Variants in SANBR observed in about 807,000 individuals in gnomAD.
SANBR encodes SANT and BTB domain regulator of CSR.
SANBR carries 77 observed loss-of-function variants against 101.8 expected under a neutral mutation model. That is an observed-to-expected ratio of 0.76 (90% CI 0.63 to 0.91). SANBR has a LOEUF of 0.91. Ranked by LOEUF, SANBR falls within the 40% of genes least tolerant of loss-of-function variation. The pLI, the probability that SANBR is intolerant of heterozygous loss-of-function variation, is 0.00. For missense variants in SANBR, 875 were observed against 853.0 expected (o/e 1.03, Z -0.32); for synonymous variants, 279 against 274.7 (o/e 1.02, Z -0.15).
rs1684123088 is a variant in SANBR, at chr2:61,117,366, A to G, written c.1846A>G (p.Arg616Gly). The G allele has an allele frequency of 6.2e-7, 1 of 1,613,754 alleles. No individual in the cohort carries two copies. The part of the protein sequence containing the change: ...KEKALEKSAS[R>G]DVSPFVMSMQ... ...GTCTACTTTTTTTTAGTCAGCTTCT[A>G]GAGATGTGTCTCCTTTCGTGTGAGT... The change falls in exon 18 of 22, where the codon AGA (arginine) becomes GGA (glycine). Residue 616 changes from arginine (R) to glycine (G), a missense_variant. Physicochemically the swap from Arg to Gly is moderately radical, Grantham distance 125 (BLOSUM62 -2). Coordinates refer to ENST00000402291, the MANE Select transcript of SANBR (RefSeq NM_001129993.3).
At position 61,078,867 on chromosome 2, in the gene SANBR, C is replaced by G. The variant is rs188515379; in HGVS notation, c.670+1709C>G. Among the ~76,000 whole-genome samples the G allele has an allele frequency of 2.7e-3, 405 of 151,686 alleles. 2 individuals are homozygous for G. Among genetic ancestry groups the G allele is most frequent in the African/African-American group, 8.3e-3 (342 of 41,406 alleles). On this transcript the variant is annotated intron_variant, in intron 6 of 21. Transcript: ENST00000402291. The stretch of plus-strand genomic sequence containing the variant: ...CAGCCTGGCCAACATGGCAAAACCC[C>G]GTCTCTACTGAAAATACAAAAATTA...
rs766436252 is a variant in SANBR, at chr2:61,116,073, A to G, written c.1836+3A>G. The G allele has an allele frequency of 1.9e-6, 3 of 1,579,986 alleles. No individual in the cohort carries two copies. Among genetic ancestry groups the G allele is most frequent in the East Asian group, 2.2e-5 (1 of 44,626 alleles). ...GGAAAGAAAAGGCATTGGAGAAGGT[A>G]ACTCTGAATTATCTGTTGTTAAAGT... On this transcript the variant is annotated splice_donor_region_variant and intron_variant, in intron 17 of 21. Coordinates refer to ENST00000402291, the MANE Select transcript of SANBR (RefSeq NM_001129993.3).
At chr2:61,098,862 C>CT (rs1683159532) in intron 12 of SANBR, among the ~76,000 whole-genome samples, 1 of 152,118 alleles carries the variant, frequency 6.6e-6, no homozygotes, top group African/African-American at 2.4e-5. Flanking sequence ...GAACTTACAG[C>CT]TGAGGCAGTA....
chr2:61,103,792 G>A, intron 12 of SANBR, 61 bp from the exon 13 acceptor site: 1 of 1,462,606 alleles, frequency 6.8e-7, no homozygotes, highest in East Asian at 2.3e-5. Context: ...GAAAAACAGT[G>A]ATCTTTAAAG....
chr2:61,084,334 C>T (rs1017102953), intron 8 of SANBR, among the ~76,000 whole-genome samples: 1 of 151,940 alleles, frequency 6.6e-6, no homozygotes, highest in African/African-American at 2.4e-5. Flanking sequence ...AAAATTTATC[C>T]AGAGCCAATG....
Position 61,106,578 on chromosome 2 carries a change from C to T in SANBR, c.1527C>T (p.Gly509=). 6.3e-7 allele frequency: 1 copy of T among 1,597,818 alleles called. No individual in the cohort carries two copies. Among genetic ancestry groups the T allele is most frequent in the Non-Finnish European group, 8.5e-7 (1 of 1,174,692 alleles). The change falls in exon 14 of 22, where the codon GGC becomes GGT. Residue 509 remains glycine, a synonymous_variant. Transcript: ENST00000402291. ...TTCTTTCAAGTGATGTTGGGGTTGGCCTCTGTGATGAAAAGGGTATAGAAT... is the reference window on the plus strand; with the variant it reads ...TTCTTTCAAGTGATGTTGGGGTTGGTCTCTGTGATGAAAAGGGTATAGAAT... The part of the protein sequence containing the change: ...SKDTVSDVGV[G]LCDEKGIECD...
intron 1 of SANBR, 200 bp downstream of exon 1, chr2:61,066,227 C>T (rs1387187599): frequency 6.5e-6 from 1 of 152,772 alleles, no homozygotes; most frequent in East Asian, 1.9e-4. Context: ...CGCGTCCCGT[C>T]ACCCGCCCGG....
At chr2:61,084,129 T>C (rs1417697886) in intron 8 of SANBR, among the ~76,000 whole-genome samples, 1 of 152,088 alleles carries the variant, frequency 6.6e-6, no homozygotes, top group Non-Finnish European at 1.5e-5. Flanking sequence ...GATTTTTGTA[T>C]TTTTTGTAGA....
chr2:61,068,675 C>T (rs922640944), intron 1 of SANBR, among the ~76,000 whole-genome samples, 174 bp from the exon 2 acceptor site: 2 of 152,176 alleles, frequency 1.3e-5, no homozygotes, highest in Non-Finnish European at 2.9e-5. Context: ...TGGAATGTTA[C>T]TGTCTCTCCT....
intron 10 of SANBR, chr2:61,089,656 CAA>C (rs1371497714): frequency 2.0e-5 from 3 of 152,176 alleles, no homozygotes; most frequent in Non-Finnish European, 4.4e-5. Context: ...GCCTAGACAA[CAA>C]GAGTGAAACT....
At chr2:61,083,507 C>G (rs1239258343) in intron 8 of SANBR, among the ~76,000 whole-genome samples, 193 bp downstream of exon 8, 2 of 151,418 alleles carry the variant, frequency 1.3e-5, no homozygotes, top group Non-Finnish European at 2.9e-5. Context: ...GGTGATCCTC[C>G]CACCTCAGCC....
intron 5 of SANBR, among the ~76,000 whole-genome samples, chr2:61,074,633 G>A (rs1681662505): frequency 6.6e-6 from 1 of 152,038 alleles, no homozygotes; most frequent in Admixed American, 6.6e-5. Flanking sequence ...TGAACTCCTG[G>A]CCTCAAGTGA....
At chr2:61,070,727 A>G (rs146043373) in intron 3 of SANBR, among the ~76,000 whole-genome samples, 1 of 147,132 alleles carries the variant, frequency 6.8e-6, no homozygotes, top group African/African-American at 2.5e-5. Flanking sequence ...ATATTTATAT[A>G]TAATATTTTA....
At chr2:61,124,640 A>G (rs1684460268), downstream of SANBR, among the ~76,000 whole-genome samples, 1 of 151,848 alleles carries the variant, frequency 6.6e-6, no homozygotes, top group Non-Finnish European at 1.5e-5. Context: ...TGAGAGTGCA[A>G]GGCTTCAGTG....
chr2:61,073,111 G>C (rs954798879), intron 4 of SANBR, among the ~76,000 whole-genome samples: 2 of 152,010 alleles, frequency 1.3e-5, no homozygotes, highest in Admixed American at 1.3e-4. Flanking sequence ...TGAGTGTAGC[G>C]AGTTATTTTA....
chr2:61,117,957 GTC>G, intron 19 of SANBR, 69 bp from the exon 20 acceptor site: 1 of 1,131,064 alleles, frequency 8.8e-7, no homozygotes, highest in Non-Finnish European at 1.3e-6. Context: ...GGTGATTACA[GTC>G]TTTTTGAGAA....
rs1682122532 is a variant in SANBR at position 61,081,460 on chromosome 2, A to G, written c.679A>G (p.Asn227Asp). 1 of 1,570,036 alleles carries G rather than the reference A, an allele frequency of 6.4e-7. No homozygotes were observed. Among genetic ancestry groups the G allele is most frequent in the Admixed American group, 1.9e-5 (1 of 53,128 alleles). The change falls in exon 7 of 22, where the codon AAT (asparagine) becomes GAT (aspartate). Residue 227 changes from asparagine to aspartate, a missense_variant. Transcript: ENST00000402291. ...DCEMPTLEPGNVISILISSEF... is the reference protein window; with the variant it reads ...DCEMPTLEPGDVISILISSEF... ...TTTTTTTTTTTTTTTAGAGCCAGGAAATGTCATTTCAATTCTTATTTCTTC... is the reference window on the plus strand; with the variant it reads ...TTTTTTTTTTTTTTTAGAGCCAGGAGATGTCATTTCAATTCTTATTTCTTC...
At chr2:61,133,909 T>C (rs1400438039) in intron 20 of SANBR, among the ~76,000 whole-genome samples, 2 of 152,280 alleles carry the variant, frequency 1.3e-5, no homozygotes, top group East Asian at 3.9e-4. Context: ...AACCACTGGA[T>C]TGTACCATTT....
chr2:61,130,686 C>T (rs1181277803), intron 20 of SANBR, among the ~76,000 whole-genome samples: 10 of 151,300 alleles, frequency 6.6e-5, no homozygotes, highest in Admixed American at 4.0e-4. Flanking sequence ...TGGTGGCTCA[C>T]GCCTGTAATC....
Sources: gnomAD v4.1 joint callset for allele counts (sites outside exome capture counted in the v4.1 genomes callset) on GRCh38, gnomAD v4.1.1 for gene constraint, MANE v1.5 for transcripts, NCBI Gene and HGNC (gene_info 2026-07-23, HGNC 2026-07-21) for gene names.